The following CIITA variants were observed in gnomAD, a reference collection of about 807,000 sequenced individuals.
CIITA encodes class II major histocompatibility complex transactivator, also known as MHC class II transactivator.
Under a neutral mutation model 115.1 loss-of-function variants are expected in CIITA, and 72 were observed. The observed-to-expected ratio is 0.63, with a 90% CI of 0.52 to 0.76. CIITA has a LOEUF of 0.76. CIITA is among the 30% of genes least tolerant of loss of function. The pLI is 0.00. For synonymous variants in CIITA, 763 were observed against 635.6 expected, an observed-to-expected ratio of 1.20 and a Z score of -3.02; for missense variants, 1,617 against 1,463.8, an observed-to-expected ratio of 1.10 and a Z score of -1.71.
At chr16:10,895,247 C>G (rs754030685) in intron 1 of CIITA, 35 bp from the exon 2 acceptor site, 1 of 1,612,494 alleles carries the variant, frequency 6.2e-7, no homozygotes, top group South Asian at 1.1e-5. Context: ...TTTCCAACAC[C>G]CTGTGAGGTG....
chr16:10,901,836 C>G lies in CIITA; in HGVS notation c.482-202C>G, dbSNP rs766037232. ...GGCCCTAGGGTCCTGCTCAGCATAG[C>G]TCTCAGAGCCAAGTCACAAGGAGAG... On this transcript the variant is annotated intron_variant, in intron 6 of 19. Coordinates refer to ENST00000324288, the MANE Select transcript of CIITA (RefSeq NM_000246.4). This position sits in a 1 kb window ranked among gnomAD's most constrained non-coding sequence, Gnocchi z 6.8. 1.3e-6 allele frequency: 1 copy of G among 796,066 alleles called. No homozygotes were observed. Among genetic ancestry groups the G allele is most frequent in the African/African-American group, 1.7e-5 (1 of 58,568 alleles). 49.3% of individuals were successfully genotyped at this position (796,066 alleles called of 1,614,324 possible).
In CIITA at chr16:10,918,540, C is replaced by T. The variant is rs768680467; in HGVS notation, c.3149+14C>T. ...GCTCAGGCTAAGGTGAGTGGGGCCCCGGATACCGGTCAGGTGCTGAGCTGG... is the reference window on the plus strand; with the variant it reads ...GCTCAGGCTAAGGTGAGTGGGGCCCTGGATACCGGTCAGGTGCTGAGCTGG... On this transcript the variant is annotated intron_variant, in intron 16 of 19. Coordinates refer to ENST00000324288, the MANE Select transcript of CIITA (RefSeq NM_000246.4). 11 of 1,612,464 alleles carry T rather than the reference C, an allele frequency of 6.8e-6. No individual in the cohort carries two copies. Among genetic ancestry groups the T allele is most frequent in the Non-Finnish European group, 8.5e-6 (10 of 1,178,926 alleles).
At position 10,936,156 on chromosome 16, in the gene CIITA, AT is replaced by A. The variant is rs547114135; in HGVS notation, c.*12311del. The A allele has an allele frequency of 5.3e-4, 79 of 148,922 alleles. No individual in the cohort carries two copies. Among genetic ancestry groups the A allele is most frequent in the Admixed American group, 8.0e-4 (12 of 14,914 alleles). 9.2% of individuals were successfully genotyped at this position (148,922 alleles called of 1,614,324 possible). A position where few individuals can be genotyped will look rare whatever the true frequency, so the allele number is the denominator to read the frequency against. On this transcript the variant is annotated 3_prime_UTR_variant, in exon 20 of 20. Transcript: ENST00000324288. ...TGGGCGTGTACCACAACACCTCGCT[AT>A]TTTTTTTTTCCTACTTTTTGTAGAG...
chr16:10,902,252 A>C (rs1248787011), intron 7 of CIITA, 68 bp downstream of exon 7: 7 of 1,596,868 alleles, frequency 4.4e-6, no homozygotes. Context: ...GTTGACACTA[A>C]GGCAGGGACT....
downstream of CIITA, chr16:10,936,974 G>A (rs1475395577): frequency 6.6e-6 from 1 of 152,214 alleles, no homozygotes; most frequent in Non-Finnish European, 1.5e-5. Context: ...CACTTTCTTA[G>A]TTCGGCAAAA....
chr16:10,915,309 C>T (rs545837486), intron 13 of CIITA, among the ~76,000 whole-genome samples: 3 of 152,210 alleles, frequency 2.0e-5, no homozygotes, highest in African/African-American at 4.8e-5. Flanking sequence ...CTTGGCCTCC[C>T]AAAATGCTGG....
intron 10 of CIITA, 36 bp from the exon 11 acceptor site, chr16:10,906,463 C>T (rs1229459708): frequency 1.9e-6 from 3 of 1,609,424 alleles, no homozygotes; most frequent in Non-Finnish European, 8.5e-7. Context: ...CTGCCTCTCA[C>T]ATACCCCCAC....
chr16:10,939,355 G>A (rs1385178052), downstream of CIITA: 2 of 152,216 alleles, frequency 1.3e-5, no homozygotes, highest in African/African-American at 2.4e-5. This position sits in a 1 kb window ranked among gnomAD's most constrained non-coding sequence, Gnocchi z 4.9. Flanking sequence ...AAATGGGAAT[G>A]GGATTGTGTC....
chr16:10,915,640 C>A lies in CIITA; in HGVS notation c.2959C>A (p.Gln987Lys). The stretch of plus-strand genomic sequence containing the variant: ...GATCCTCACGGCCTTTTCCTCCCTG[C>A]AGCATCTGGAGTGAGTATAGACTCT... ...VRILTAFSSL[Q>K]HLDLDALSEN... The change falls in exon 14 of 20, where the codon CAG becomes AAG. Residue 987 changes from glutamine to lysine, a missense_variant. Gln to Lys is a moderately conservative substitution (Grantham distance 53). Transcript: ENST00000324288. The A allele has an allele frequency of 6.2e-7, 1 of 1,613,886 alleles. No individual in the cohort carries two copies.
Position 10,922,485 on chromosome 16 carries a change from G to T in CIITA, c.3312G>T (p.Thr1104=). 6.2e-7 allele frequency: 1 copy of T among 1,614,000 alleles called. No individual in the cohort carries two copies. Among genetic ancestry groups the T allele is most frequent in the South Asian group, 1.1e-5 (1 of 91,082 alleles). ...ASLRRCPHVE[T]LAMWTPTIPF... ...TTCGGAGGTGTCCTCATGTGGAGAC[G>T]CTGGCGTAAGTCCAGGCAACCCTGG... The change falls in exon 18 of 20, where the codon ACG becomes ACT. Residue 1104 remains threonine, a synonymous_variant. Coordinates refer to ENST00000324288, the MANE Select transcript of CIITA (RefSeq NM_000246.4).
In CIITA at chr16:10,930,287, T is replaced by A. The variant is rs2040727742; in HGVS notation, c.*6432T>A. 1 of 152,276 alleles carries A rather than the reference T, an allele frequency of 6.6e-6. No individual in the cohort carries two copies. Among genetic ancestry groups the A allele is most frequent in the East Asian group, 1.9e-4 (1 of 5,204 alleles). 9.4% of individuals were successfully genotyped at this position (152,276 alleles called of 1,614,324 possible). On this transcript the variant is annotated 3_prime_UTR_variant, in exon 20 of 20. Coordinates refer to ENST00000324288, the MANE Select transcript of CIITA (RefSeq NM_000246.4). ...TCGCAGAACTTGTATGTTAAACATG[T>A]GACATGTATTGTTGTTTGACAGGGT...
chr16:10,910,381 C>T, intron 13 of CIITA, 122 bp downstream of exon 13: 1 of 873,518 alleles, frequency 1.1e-6, no homozygotes, highest in Non-Finnish European at 1.9e-6. Flanking sequence ...TTGCCCACCA[C>T]TTTGGAAATA....
chr16:10,918,635 C>A, intron 16 of CIITA, 109 bp downstream of exon 16: 1 of 893,636 alleles, frequency 1.1e-6, no homozygotes, highest in Non-Finnish European at 1.8e-6. Flanking sequence ...GAAGCAATCA[C>A]CACAGCCCTG....
chr16:10,887,250 G>C lies in CIITA; in HGVS notation c.53-8032G>C, dbSNP rs189641277. Among the ~76,000 whole-genome samples the C allele has an allele frequency of 5.9e-5, 9 of 152,204 alleles. No homozygotes were observed. The East Asian group carries it at 1.7e-3, about 29-fold the overall frequency. The stretch of plus-strand genomic sequence containing the variant: ...TGGGGAGCAGGTTGGTGTTGGGGGG[G>C]GCCTTGGGGGAAAGGAAAAGGAGAA... On this transcript the variant is annotated intron_variant, in intron 1 of 19. Coordinates refer to ENST00000324288, the MANE Select transcript of CIITA (RefSeq NM_000246.4).
At chr16:10,868,365 A>T (rs559656296) in intron 1 of CIITA, among the ~76,000 whole-genome samples, 1 of 152,326 alleles carries the variant, frequency 6.6e-6, no homozygotes, top group African/African-American at 2.4e-5. Flanking sequence ...TCAGGGCATC[A>T]AATGCATTTT....
At chr16:10,938,541 G>A (rs1047095003), downstream of CIITA, 4 of 152,288 alleles carry the variant, frequency 2.6e-5, no homozygotes, top group South Asian at 2.1e-4. This position sits in a 1 kb window ranked among gnomAD's most constrained non-coding sequence, Gnocchi z 4.9. Flanking sequence ...ACTGACTACC[G>A]GCGTTCCCCT....
At chr16:10,894,956 C>G (rs528275046) in intron 1 of CIITA, among the ~76,000 whole-genome samples, 1 of 152,314 alleles carries the variant, frequency 6.6e-6, no homozygotes, top group Admixed American at 6.5e-5. Context: ...ATAGGAGGTG[C>G]TTTATAAACC....
At chr16:10,871,656 G>A (rs1211467670) in intron 1 of CIITA, among the ~76,000 whole-genome samples, 2 of 152,172 alleles carry the variant, frequency 1.3e-5, no homozygotes, top group Non-Finnish European at 2.9e-5. Flanking sequence ...TGAGAAACCA[G>A]AGCTGTGACA....
At chr16:10,875,078 C>T (rs1013581558), upstream of CIITA, among the ~76,000 whole-genome samples, 15 of 152,258 alleles carry the variant, frequency 9.9e-5, no homozygotes, top group African/African-American at 3.4e-4. Context: ...ATGTGATTCT[C>T]ATCCCTCAGT....
Sources: allele counts gnomAD v4.1 joint callset (sites outside exome capture counted in the v4.1 genomes callset), GRCh38; gene constraint gnomAD v4.1.1; non-coding constraint Gnocchi (gnomAD v3.1); transcripts MANE v1.5; gene names NCBI Gene and HGNC (gene_info 2026-07-23, HGNC 2026-07-21).